Variants in MB21D2 observed in about 807,000 individuals in gnomAD.
MB21D2 encodes nucleotidyltransferase MB21D2.
A neutral mutation model predicts 33.3 loss-of-function variants in MB21D2; 9 were observed. That is an observed-to-expected ratio of 0.27 (90% CI 0.16 to 0.47). The LOEUF (loss-of-function observed/expected upper bound fraction) is 0.47. Among genes scored for constraint, MB21D2 ranks in the 20% least tolerant of loss-of-function variants. The pLI is 0.99. For missense variants in MB21D2, 540 were observed against 624.6 expected (o/e 0.86, Z 1.44); for synonymous variants, 241 against 236.3 (o/e 1.02, Z -0.18).
Position 192,877,203 on chromosome 3 carries a change from G to A in MB21D2, c.211+40427C>T, listed in dbSNP as rs527483297. ...CTGAACACATACTTTCTTAGTTTAT[G>A]TAACTTAAAAGATAGAAGAAATTCC... On this transcript the variant is annotated intron_variant, in intron 1 of 1. Coordinates refer to ENST00000392452, the MANE Select transcript of MB21D2 (RefSeq NM_178496.4). Among the ~76,000 whole-genome samples the A allele has an allele frequency of 3.3e-5, 5 of 152,234 alleles. No individual in the cohort carries two copies. In the East Asian group the frequency reaches 7.7e-4, roughly 24 times the overall value.
At chr3:192,887,353 G>T (rs1192707460) in intron 1 of MB21D2, among the ~76,000 whole-genome samples, 1 of 152,058 alleles carries the variant, frequency 6.6e-6, no homozygotes, top group Non-Finnish European at 1.5e-5. Context: ...AAGGAAAAAA[G>T]ACGTTGCTTA....
intron 1 of MB21D2, among the ~76,000 whole-genome samples, chr3:192,886,337 T>C (rs1238319743): frequency 6.6e-6 from 1 of 152,168 alleles, no homozygotes; most frequent in African/African-American, 2.4e-5. Flanking sequence ...TTGCTAACAT[T>C]CTTGAGTACT....
intron 1 of MB21D2, among the ~76,000 whole-genome samples, chr3:192,839,651 C>T (rs1321947966): frequency 6.6e-6 from 1 of 152,146 alleles, no homozygotes. Context: ...AAGTCTAGAT[C>T]TAGATATATG....
chr3:192,911,577 G>A (rs1490103070), intron 1 of MB21D2, among the ~76,000 whole-genome samples: 3 of 152,180 alleles, frequency 2.0e-5, no homozygotes, highest in Non-Finnish European at 2.9e-5. Flanking sequence ...CAATAGGTCT[G>A]AATGGGACCA....
At chr3:192,895,931 G>C (rs1335942293) in intron 1 of MB21D2, among the ~76,000 whole-genome samples, 1 of 152,104 alleles carries the variant, frequency 6.6e-6, no homozygotes, top group Non-Finnish European at 1.5e-5. Context: ...TTTGCACAAA[G>C]AATCACACTA....
intron 1 of MB21D2, among the ~76,000 whole-genome samples, chr3:192,885,730 C>T (rs561012477): frequency 6.6e-6 from 1 of 152,204 alleles, no homozygotes; most frequent in South Asian, 2.1e-4. Context: ...AAGGCCACAG[C>T]AAGCTGGGAC....
chr3:192,858,338 T>C (rs369447839), intron 1 of MB21D2, among the ~76,000 whole-genome samples: 2 of 152,328 alleles, frequency 1.3e-5, no homozygotes, highest in Admixed American at 6.5e-5. Flanking sequence ...CCCAACCCCA[T>C]GTCACCAGCA....
intron 1 of MB21D2, among the ~76,000 whole-genome samples, chr3:192,838,428 CTT>C (rs55769534): frequency 0.07 from 8,724 of 124,138 alleles, 825 homozygotes; most frequent in African/African-American, 0.25. Context: ...AATCTGTGGA[CTT>C]TTTTTTTTTT....
chr3:192,875,147 T>C lies in MB21D2; in HGVS notation c.211+42483A>G, dbSNP rs540379698. On this transcript the variant is annotated intron_variant, in intron 1 of 1. Transcript: ENST00000392452. Reference sequence around the variant, plus strand: ...TTACATCCACAACATGGAAAGACCATGCTACACCATGTTTGCTGCCTCCAT... The same window carrying C: ...TTACATCCACAACATGGAAAGACCACGCTACACCATGTTTGCTGCCTCCAT... Among the ~76,000 whole-genome samples, 13 of 152,350 alleles carry C rather than the reference T, an allele frequency of 8.5e-5. No individual in the cohort carries two copies. In the South Asian group the frequency reaches 1.2e-3, roughly 15 times the overall value.
chr3:192,884,573 T>C (rs546902028), intron 1 of MB21D2, among the ~76,000 whole-genome samples: 4 of 152,138 alleles, frequency 2.6e-5, no homozygotes, highest in East Asian at 3.9e-4. Flanking sequence ...TTCACCGTGT[T>C]AGCCAGGATG....
chr3:192,903,053 C>T lies in MB21D2; in HGVS notation c.211+14577G>A, dbSNP rs77114613. On this transcript the variant is annotated intron_variant, in intron 1 of 1. Transcript: ENST00000392452. ...GCCTATGAGGCTATTTATTTAGCAT[C>T]CTTCCTCTAATAGCAATTAAGAGAA... is the stretch of plus-strand genomic sequence containing the variant. Among the ~76,000 whole-genome samples, 489 of 152,314 alleles carry T rather than the reference C, an allele frequency of 3.2e-3. 5 individuals carry two copies. Among genetic ancestry groups the T allele is most frequent in the African/African-American group, 0.011 (473 of 41,582 alleles).
chr3:192,914,806 C>T (rs1424639623), intron 1 of MB21D2, among the ~76,000 whole-genome samples: 1 of 152,150 alleles, frequency 6.6e-6, no homozygotes, highest in Non-Finnish European at 1.5e-5. Context: ...ACCCCACAGC[C>T]TGTGCAGAAC....
At chr3:192,888,609 C>T (rs1560251556) in intron 1 of MB21D2, among the ~76,000 whole-genome samples, 1 of 152,028 alleles carries the variant, frequency 6.6e-6, no homozygotes, top group Non-Finnish European at 1.5e-5. Flanking sequence ...CTATGAATGC[C>T]TACAGGACAG....
chr3:192,884,042 A>G (rs1053165398), intron 1 of MB21D2, among the ~76,000 whole-genome samples: 2 of 152,088 alleles, frequency 1.3e-5, no homozygotes, highest in Non-Finnish European at 2.9e-5. Flanking sequence ...GTAGGTGAAC[A>G]TGAGTCAAAA....
chr3:192,866,520 C>G (rs1006245300), intron 1 of MB21D2, among the ~76,000 whole-genome samples: 5 of 152,062 alleles, frequency 3.3e-5, no homozygotes, highest in African/African-American at 1.2e-4. Context: ...TTCTTTTTAC[C>G]TGATTTAGAA....
At chr3:192,852,449 C>T (rs1712828179) in intron 1 of MB21D2, among the ~76,000 whole-genome samples, 1 of 152,164 alleles carries the variant, frequency 6.6e-6, no homozygotes, top group Non-Finnish European at 1.5e-5. Flanking sequence ...CTCAGCTGAA[C>T]CACCTTGCAA....
chr3:192,882,110 G>A (rs1394869083), intron 1 of MB21D2, among the ~76,000 whole-genome samples: 1 of 151,954 alleles, frequency 6.6e-6, no homozygotes, highest in African/African-American at 2.4e-5. Context: ...CCTAAGACTT[G>A]GCACAAAACT....
intron 1 of MB21D2, among the ~76,000 whole-genome samples, chr3:192,822,587 G>T (rs1333672606): frequency 6.6e-6 from 1 of 152,236 alleles, no homozygotes; most frequent in Non-Finnish European, 1.5e-5. Context: ...AACTTAGAAA[G>T]AGTCTGACCT....
chr3:192,803,946 G>A (rs1711608853), intron 1 of MB21D2, among the ~76,000 whole-genome samples: 1 of 152,060 alleles, frequency 6.6e-6, no homozygotes, highest in Non-Finnish European at 1.5e-5. Context: ...CCCTTGGGTG[G>A]GTCTCTTCTT....
Sources: gnomAD v4.1 joint callset for allele counts (sites outside exome capture counted in the v4.1 genomes callset) on GRCh38, gnomAD v4.1.1 for gene constraint, MANE v1.5 for transcripts, NCBI Gene and HGNC (gene_info 2026-07-23, HGNC 2026-07-21) for gene names.